The following MRPL45 variants were observed in gnomAD, a reference collection of about 807,000 sequenced individuals.
MRPL45 encodes the protein mitochondrial ribosomal protein L45.
MRPL45 carries 20 observed loss-of-function variants against 38.1 expected under a neutral mutation model. The ratio of observed to expected loss-of-function variants is 0.53; its 90% CI spans 0.37 to 0.76. MRPL45 has a LOEUF of 0.76. MRPL45 is among the 30% of genes least tolerant of loss of function. MRPL45 has a pLI of 0.00. For synonymous variants in MRPL45, 105 were observed against 128.8 expected (o/e 0.82, Z 1.25); for missense variants, 337 against 395.6 (o/e 0.85, Z 1.26).
intron 3 of MRPL45, among the ~76,000 whole-genome samples, chr17:38,300,526 C>T (rs2036983414): frequency 6.6e-6 from 1 of 152,108 alleles, no homozygotes; most frequent in Admixed American, 6.6e-5. Flanking sequence ...CAGAGCAGGG[C>T]TACCCCATAG....
chr17:38,301,235 C>T (rs1377670981), intron 3 of MRPL45, among the ~76,000 whole-genome samples: 1 of 151,868 alleles, frequency 6.6e-6, no homozygotes, highest in African/African-American at 2.4e-5. Context: ...TTTTCCCCTC[C>T]TACTTTTTTT....
intron 5 of MRPL45, among the ~76,000 whole-genome samples, chr17:38,319,899 A>G (rs1243896162): frequency 1.3e-5 from 2 of 152,084 alleles, no homozygotes; most frequent in Non-Finnish European, 2.9e-5. Flanking sequence ...TCAGGAGATC[A>G]AGACCATCCT....
intron 3 of MRPL45, 33 bp from the exon 4 acceptor site, chr17:38,306,500 C>G (rs775789810): frequency 6.5e-7 from 1 of 1,542,788 alleles, no homozygotes; most frequent in Admixed American, 1.9e-5. Flanking sequence ...ATTGTAAGAC[C>G]TTTAGAAGTA....
chr17:38,318,419 CTTAGAT>C (rs1006887659), intron 4 of MRPL45, among the ~76,000 whole-genome samples: 34 of 151,608 alleles, frequency 2.2e-4, no homozygotes, highest in African/African-American at 6.8e-4. Flanking sequence ...CCTCCTACTC[CTTAGAT>C]TTAAACATAA....
At chr17:38,312,052 T>C (rs2037117592) in intron 4 of MRPL45, among the ~76,000 whole-genome samples, 1 of 150,676 alleles carries the variant, frequency 6.6e-6, no homozygotes, top group African/African-American at 2.4e-5. Context: ...TTTTTATCTT[T>C]TTTTTTTTTT....
intron 4 of MRPL45, among the ~76,000 whole-genome samples, chr17:38,309,978 T>C (rs912749989): frequency 2.0e-5 from 3 of 151,756 alleles, no homozygotes; most frequent in Non-Finnish European, 4.4e-5. Flanking sequence ...TTTCCAACCT[T>C]TTTTTTTCCC....
Position 38,299,410 on chromosome 17 carries a change from A to G in MRPL45, c.304A>G (p.Lys102Glu). ...TGATGCACGCATATCATCTCTTTCA[A>G]AGGAGGGACTGATAGAGAGAACTGA... ...EGDARISSLS[K>E]EGLIERTERM... The change falls in exon 3 of 8, where the codon AAG becomes GAG. Residue 102 changes from lysine to glutamate, a missense_variant. Around this residue, in one of 3 missense-constraint regions of MRPL45, gnomAD observed 251 missense variants for 269.1 expected, o/e 0.93. Coordinates refer to ENST00000613675, the MANE Select transcript of MRPL45 (RefSeq NM_032351.6). 3.1e-6 allele frequency: 5 copies of G among 1,613,112 alleles called. No homozygotes were observed. The highest frequency in any genetic ancestry group is 2.2e-5 in the East Asian group (1 of 44,838).
At chr17:38,300,580 G>A (rs1428303542) in intron 3 of MRPL45, among the ~76,000 whole-genome samples, 1 of 152,110 alleles carries the variant, frequency 6.6e-6, no homozygotes, top group Non-Finnish European at 1.5e-5. Context: ...TGTAAATCAT[G>A]TATAGGTTTA....
intron 4 of MRPL45, among the ~76,000 whole-genome samples, chr17:38,313,748 T>G (rs2037148462): frequency 1.3e-5 from 2 of 151,504 alleles, no homozygotes; most frequent in Non-Finnish European, 2.9e-5. Context: ...TAGCAACCTC[T>G]GCCTCCTGGG....
chr17:38,301,945 G>A (rs1244683243), intron 3 of MRPL45, among the ~76,000 whole-genome samples: 12 of 151,658 alleles, frequency 7.9e-5, no homozygotes, highest in Non-Finnish European at 1.5e-4. Flanking sequence ...GGGAAACCCC[G>A]TCTCTACTAA....
At chr17:38,316,243 C>T (rs918637381) in intron 4 of MRPL45, among the ~76,000 whole-genome samples, 1 of 151,772 alleles carries the variant, frequency 6.6e-6, no homozygotes, top group African/African-American at 2.4e-5. Context: ...ATTTTAATTA[C>T]CTTATCCTCA....
chr17:38,316,197 TC>T (rs113622598), intron 4 of MRPL45, among the ~76,000 whole-genome samples: 3,915 of 152,278 alleles, frequency 0.026, 171 homozygotes, highest in African/African-American at 0.09. Flanking sequence ...TCATTTTTTT[TC>T]CATTATTTTT....
At chr17:38,299,592 T>G (rs1012227002) in intron 3 of MRPL45, 124 bp downstream of exon 3, 52 of 660,984 alleles carry the variant, frequency 7.9e-5, no homozygotes, top group Admixed American at 1.4e-4. Context: ...ATGATGGTAT[T>G]TTCTCCTTTG....
intron 4 of MRPL45, among the ~76,000 whole-genome samples, chr17:38,309,931 C>T (rs2037093898): frequency 6.6e-6 from 1 of 152,134 alleles, no homozygotes; most frequent in African/African-American, 2.4e-5. Flanking sequence ...AGATCTTTCA[C>T]TGTGTGCCAA....
chr17:38,297,313 A>G, intron 1 of MRPL45, 64 bp downstream of exon 1: 1 of 1,463,980 alleles, frequency 6.8e-7, no homozygotes, highest in Non-Finnish European at 9.6e-7. Flanking sequence ...CGAGGGAAAT[A>G]CTCTCTGTGC....
In MRPL45 at chr17:38,322,395, G is replaced by A. The variant is rs73984498; in HGVS notation, c.834+96G>A. On this transcript the variant is annotated intron_variant, in intron 7 of 7. Transcript: ENST00000613675. ...CCACCTAGTGGCGAGAGGGGGTGAT[G>A]CACCACCCAGGAAGGGAAGGCCGGG... The A allele has an allele frequency of 5.9e-3, 3,651 of 621,470 alleles. 99 individuals carry two copies. The African/African-American group carries it at 0.094, about 16-fold the overall frequency. The allele number at this position is 621,470 out of a possible 1,614,324, so 38.5% of individuals were successfully genotyped here. A position where few individuals can be genotyped will look rare whatever the true frequency, so the allele number is the denominator to read the frequency against.
chr17:38,320,333 C>G (rs1479200058), intron 5 of MRPL45, among the ~76,000 whole-genome samples: 1 of 152,078 alleles, frequency 6.6e-6, no homozygotes, highest in Non-Finnish European at 1.5e-5. Flanking sequence ...ATTGGGCATG[C>G]TGGCAGTTTG....
At chr17:38,305,974 C>T (rs1256074560) in intron 3 of MRPL45, among the ~76,000 whole-genome samples, 1 of 151,852 alleles carries the variant, frequency 6.6e-6, no homozygotes, top group Admixed American at 6.6e-5. Context: ...GTAAGAAACC[C>T]GTTTTTTCTG....
At chr17:38,316,884 A>G (rs894593968) in intron 4 of MRPL45, among the ~76,000 whole-genome samples, 2 of 150,492 alleles carry the variant, frequency 1.3e-5, no homozygotes, top group African/African-American at 4.9e-5. Context: ...TGCAACCTCC[A>G]CCTCCCAGGT....
Sources: gnomAD v4.1 joint callset for allele counts (sites outside exome capture counted in the v4.1 genomes callset) on GRCh38, gnomAD v4.1.1 for gene constraint, gnomAD v4.1.1 regional missense constraint, MANE v1.5 for transcripts, NCBI Gene and HGNC (gene_info 2026-07-23, HGNC 2026-07-21) for gene names.